THSD4: variants seen among roughly 807,000 people sequenced by gnomAD.
THSD4 encodes the protein thrombospondin type-1 domain-containing protein 4.
Under a neutral mutation model 119.0 loss-of-function variants are expected in THSD4, and 69 were observed. The ratio of observed to expected loss-of-function variants is 0.58; its 90% CI spans 0.48 to 0.71. THSD4 has a LOEUF of 0.71. THSD4 is among the 30% of genes least tolerant of loss of function. The probability of loss-of-function intolerance (pLI) is 0.00; values close to 1 mark genes in which losing one functional copy is unlikely to be tolerated. For synonymous variants in THSD4, 524 were observed against 540.4 expected (o/e 0.97, Z 0.42); for missense variants, 1,393 against 1,391.1 (o/e 1.00, Z -0.02).
chr15:71,241,244 G>A (rs1213447006), intron 4 of THSD4, among the ~76,000 whole-genome samples: 1 of 152,218 alleles, frequency 6.6e-6, no homozygotes, highest in African/African-American at 2.4e-5. Flanking sequence ...GACCTTGGCG[G>A]TCATTTAATC....
intron 5 of THSD4, among the ~76,000 whole-genome samples, chr15:71,247,396 C>T (rs1348572252): frequency 1.3e-5 from 2 of 152,254 alleles, no homozygotes; most frequent in South Asian, 2.1e-4. Flanking sequence ...CACTGAGATG[C>T]GAGCAGGCTC....
At chr15:71,764,863 A>G (rs2140229797) in intron 15 of THSD4, among the ~76,000 whole-genome samples, 157 bp from the exon 16 acceptor site, 1 of 152,330 alleles carries the variant, frequency 6.6e-6, no homozygotes, top group Admixed American at 6.5e-5. Context: ...TCCATATGCC[A>G]TTTCTCCTCC....
Position 71,748,577 on chromosome 15 carries a change from A to T in THSD4, c.2398A>T (p.Thr800Ser), listed in dbSNP as rs1319639444. ...ACCCTGTGCCAAGAGCTGGTTCCTC[A>T]CCGAGTGGAGCGAAAGGGTGAGTGT... ...MGPCAKSWFLTEWSERCSAEC... is the reference protein window; with the variant it reads ...MGPCAKSWFLSEWSERCSAEC... The change falls in exon 14 of 18, where the codon ACC becomes TCC. Residue 800 changes from threonine to serine, a missense_variant. Physicochemically the swap from Thr to Ser is moderately conservative, Grantham distance 58 (BLOSUM62 1). Transcript: ENST00000261862. The T allele has an allele frequency of 6.2e-7, 1 of 1,614,050 alleles. No homozygotes were observed. Among genetic ancestry groups the T allele is most frequent in the Non-Finnish European group, 8.5e-7 (1 of 1,180,038 alleles).
intron 1 of THSD4, among the ~76,000 whole-genome samples, chr15:71,105,029 C>G (rs1229540689): frequency 2.0e-5 from 3 of 152,092 alleles, no homozygotes; most frequent in African/African-American, 4.8e-5. Context: ...TGTGCCTAAA[C>G]TCCAAAAGGG....
intron 6 of THSD4, among the ~76,000 whole-genome samples, chr15:71,393,179 G>A (rs901173984): frequency 6.6e-6 from 1 of 151,618 alleles, no homozygotes; most frequent in Non-Finnish European, 1.5e-5. Flanking sequence ...TGAATGTGGA[G>A]GGCTGCATTC....
intron 7 of THSD4, among the ~76,000 whole-genome samples, chr15:71,623,530 G>A (rs1308484761): frequency 6.6e-6 from 1 of 152,202 alleles, no homozygotes; most frequent in Non-Finnish European, 1.5e-5. Context: ...AGATAGAAAT[G>A]AGAACTAGTC....
intron 3 of THSD4, among the ~76,000 whole-genome samples, chr15:71,198,469 G>A (rs1302618060): frequency 6.6e-6 from 1 of 152,216 alleles, no homozygotes; most frequent in Admixed American, 6.5e-5. Flanking sequence ...CCAGGACACT[G>A]AGAATTCTTG....
At chr15:71,722,330 T>G (rs141105324) in intron 8 of THSD4, among the ~76,000 whole-genome samples, 41 of 152,336 alleles carry the variant, frequency 2.7e-4, no homozygotes, top group African/African-American at 8.9e-4. Context: ...TATTTGCTAT[T>G]GTATGATTCA....
At chr15:71,587,995 C>G (rs942255600) in intron 7 of THSD4, among the ~76,000 whole-genome samples, 1 of 150,570 alleles carries the variant, frequency 6.6e-6, no homozygotes, top group Admixed American at 6.6e-5. Context: ...GTTTCATTGT[C>G]AAGAATCTCA....
chr15:71,113,138 G>A (rs1406855957), upstream of THSD4, among the ~76,000 whole-genome samples: 1 of 152,226 alleles, frequency 6.6e-6, no homozygotes, highest in African/African-American at 2.4e-5. Flanking sequence ...GCAGTGAGCT[G>A]CAATCATGCC....
chr15:71,141,764 C>A (rs545648327), intron 2 of THSD4, among the ~76,000 whole-genome samples: 1 of 152,086 alleles, frequency 6.6e-6, no homozygotes, highest in African/African-American at 2.4e-5. Flanking sequence ...GGCTTGGGGT[C>A]GAAGTCAATC....
chr15:71,344,821 A>G (rs534608850), intron 6 of THSD4, among the ~76,000 whole-genome samples: 65 of 152,154 alleles, frequency 4.3e-4, no homozygotes, highest in Non-Finnish European at 8.4e-4. Context: ...TTTGCCTGCC[A>G]GCATCTTTGG....
rs1264149007 is a variant in THSD4 at position 71,200,594 on chromosome 15, C to T, written c.100-14441C>T. Among the ~76,000 whole-genome samples, 4 of 152,158 alleles carry T rather than the reference C, an allele frequency of 2.6e-5. No individual in the cohort carries two copies. The East Asian group carries it at 7.7e-4, about 29-fold the overall frequency. ...TATCAAGTGCTCAAAGCCATTGTTC[C>T]GAATAATGGTTCTGAAAAGGGTTAA... On this transcript the variant is annotated intron_variant, in intron 3 of 17. Coordinates refer to ENST00000261862, the MANE Select transcript of THSD4 (RefSeq NM_024817.3).
chr15:71,487,924 G>A (rs2047848052), intron 7 of THSD4, among the ~76,000 whole-genome samples: 1 of 151,044 alleles, frequency 6.6e-6, no homozygotes, highest in Admixed American at 6.6e-5. Flanking sequence ...TTCCTCTTTG[G>A]GTGTTTGATG....
chr15:71,119,557 C>T lies in THSD4; in HGVS notation c.-80+3859C>T, dbSNP rs192641360. On this transcript the variant is annotated intron_variant, in intron 1 of 17. Coordinates refer to ENST00000261862, the MANE Select transcript of THSD4 (RefSeq NM_024817.3). ...AGGAAGAGGGTCCTCTCTTTTGGCC[C>T]GAGGGGTCTTTAGTTCAGTCCTGAA... 2.1e-3 allele frequency among the ~76,000 whole-genome samples: 324 copies of T among 152,280 alleles called. 10 individuals are homozygous for T. Among genetic ancestry groups the T allele is most frequent in the Admixed American group, 0.018 (280 of 15,304 alleles).
At chr15:71,523,094 G>A (rs2048466361) in intron 7 of THSD4, among the ~76,000 whole-genome samples, 3 of 152,184 alleles carry the variant, frequency 2.0e-5, no homozygotes, top group Admixed American at 2.0e-4. Context: ...TTAGAGATGA[G>A]TAAAAAGATG....
At chr15:71,412,012 T>C (rs1203131298) in intron 7 of THSD4, among the ~76,000 whole-genome samples, 189 bp downstream of exon 7, 1 of 152,206 alleles carries the variant, frequency 6.6e-6, no homozygotes, top group African/African-American at 2.4e-5. Flanking sequence ...TTTTGATCTT[T>C]GGGCGTCACC....
intron 7 of THSD4, among the ~76,000 whole-genome samples, chr15:71,584,162 C>T (rs2049613859): frequency 6.8e-6 from 1 of 147,260 alleles, no homozygotes; most frequent in African/African-American, 2.5e-5. Flanking sequence ...TAATGATTTT[C>T]TTTGTCTCTT....
chr15:71,406,447 GTGT>G (rs1158852919), intron 6 of THSD4, among the ~76,000 whole-genome samples: 1 of 152,052 alleles, frequency 6.6e-6, no homozygotes, highest in Non-Finnish European at 1.5e-5. Context: ...TTGGTTTATA[GTGT>G]TGTTCAAGTA....
Sources: allele counts gnomAD v4.1 joint callset (sites outside exome capture counted in the v4.1 genomes callset), GRCh38; gene constraint gnomAD v4.1.1; transcripts MANE v1.5; gene names NCBI Gene and HGNC (gene_info 2026-07-23, HGNC 2026-07-21).